The following MMS19 variants were observed in gnomAD, a reference collection of about 807,000 sequenced individuals.
MMS19 encodes MMS19 nucleotide excision repair protein homolog.
MMS19 carries 77 observed loss-of-function variants against 129.8 expected under a neutral mutation model. The observed-to-expected ratio is 0.59, with a 90% CI of 0.49 to 0.72. The LOEUF is 0.72. MMS19 is among the 30% of genes least tolerant of loss of function. The probability of loss-of-function intolerance (pLI) is 0.00; values close to 1 mark genes in which losing one functional copy is unlikely to be tolerated. For synonymous variants in MMS19, 491 were observed against 502.8 expected (o/e 0.98, Z 0.31); for missense variants, 1,168 against 1,266.3 (o/e 0.92, Z 1.18).
intron 8 of MMS19, among the ~76,000 whole-genome samples, chr10:97,471,655 C>A (rs1480972990): frequency 6.6e-6 from 1 of 151,974 alleles, no homozygotes; most frequent in Non-Finnish European, 1.5e-5. Context: ...GGGTTACAGG[C>A]GCACCAACAC....
chr10:97,476,982 G>C lies in MMS19; in HGVS notation c.494-19C>G. ...TTTAGCTCTGGGAAGGAGAGAATAA[G>C]GTTACTATACTGTCCCACAGCACAG... On this transcript the variant is annotated intron_variant, in intron 6 of 30. Transcript: ENST00000438925. 5 of 1,613,676 alleles carry C rather than the reference G, an allele frequency of 3.1e-6. No homozygotes were observed. The highest frequency in any genetic ancestry group is 4.2e-6 in the Non-Finnish European group (5 of 1,179,724).
chr10:97,478,402 G>A lies in MMS19; in HGVS notation c.263-13C>T. The A allele has an allele frequency of 6.3e-7, 1 of 1,594,042 alleles. No homozygotes were observed. Among genetic ancestry groups the A allele is most frequent in the Non-Finnish European group, 8.6e-7 (1 of 1,168,632 alleles). ...ATCAGGTGTACCACTGCACAAACCAGATTCAGCCATTAGTTGACATAGGCA... is the reference window on the plus strand; with the variant it reads ...ATCAGGTGTACCACTGCACAAACCAAATTCAGCCATTAGTTGACATAGGCA... On this transcript the variant is annotated splice_polypyrimidine_tract_variant and intron_variant, in intron 3 of 30. Coordinates refer to ENST00000438925, the MANE Select transcript of MMS19 (RefSeq NM_022362.5).
intron 2 of MMS19, 32 bp from the exon 3 acceptor site, chr10:97,481,074 A>G: frequency 7.9e-7 from 1 of 1,264,838 alleles, no homozygotes; most frequent in Non-Finnish European, 1.1e-6. Context: ...AGAACCTGCA[A>G]TTACCCAGTT....
At chr10:97,477,820 C>G (rs2036036670) in intron 5 of MMS19, 35 bp downstream of exon 5, 12 of 1,480,140 alleles carry the variant, frequency 8.1e-6, no homozygotes, top group Non-Finnish European at 1.0e-5. Context: ...GGGGTAGAGA[C>G]AGAGGAGAAT....
At position 97,467,830 on chromosome 10, in the gene MMS19, AT is replaced by A. The variant is rs1285490114; in HGVS notation, c.1219-248del. On this transcript the variant is annotated intron_variant, in intron 13 of 30. Transcript: ENST00000438925. ...AGATGCGTGCCACCTTATCCAGCTA[AT>A]TTTTTTTTTTTTTTTTTGTAGAGAT... 2.4e-3 allele frequency among the ~76,000 whole-genome samples: 326 copies of A among 137,356 alleles called. 2 individuals are homozygous for A. In the South Asian group the frequency reaches 0.027, roughly 11 times the overall value. 90.1% of individuals were successfully genotyped at this position (137,356 alleles called of 152,430 possible).
In MMS19 at chr10:97,466,795, T is replaced by G. The variant is rs140602190; in HGVS notation, c.1404A>C (p.Thr468=). 5.6e-5 allele frequency: 91 copies of G among 1,613,922 alleles called. No individual in the cohort carries two copies. In the African/African-American group the frequency reaches 1.1e-3, roughly 20 times the overall value. ...QLQLVGIRTL[T]VLGAQPDLLS... ...ATGTACCTGGCTGGGCACCCAAGAC[T>G]GTCAGTGTACGGATGCCAACAAGCT... Residue 468 remains threonine (T), a synonymous_variant, in exon 15 of 31, where the codon ACA becomes ACC. Coordinates refer to ENST00000438925, the MANE Select transcript of MMS19 (RefSeq NM_022362.5).
intron 1 of MMS19, among the ~76,000 whole-genome samples, chr10:97,487,236 C>T (rs1441256807): frequency 6.6e-6 from 1 of 151,638 alleles, no homozygotes; most frequent in Non-Finnish European, 1.5e-5. Flanking sequence ...GAATGATTGT[C>T]CTGGAACCAA....
At chr10:97,459,900 T>C in intron 26 of MMS19, 146 bp downstream of exon 26, 1 of 1,022,000 alleles carries the variant, frequency 9.8e-7, no homozygotes, top group Non-Finnish European at 1.4e-6. Context: ...AAGGAAGAAG[T>C]GGGACAAGAA....
intron 18 of MMS19, among the ~76,000 whole-genome samples, chr10:97,465,497 GT>G (rs1471808823): frequency 6.6e-6 from 1 of 152,188 alleles, no homozygotes; most frequent in Non-Finnish European, 1.5e-5. Flanking sequence ...TAGAGACTGG[GT>G]TTCTCCATGT....
rs2040180319 is a variant in MMS19, at chr10:97,498,276, C to A, written c.109G>T (p.Ala37Ser). Residue 37 changes from alanine to serine, a missense_variant, in exon 1 of 31, where the codon GCA (alanine) becomes TCA (serine). Ala to Ser is a moderately conservative substitution (Grantham distance 99). Coordinates refer to ENST00000438925, the MANE Select transcript of MMS19 (RefSeq NM_022362.5). The part of the protein sequence containing the change: ...QQEGPADQVA[A>S]DVKSGNYTVL... ...CGCGCGGCGCCGTCTGCCGTACCTGCAGCCACCTGGTCAGCGGGGCCCTCT... is the reference window on the plus strand; with the variant it reads ...CGCGCGGCGCCGTCTGCCGTACCTGAAGCCACCTGGTCAGCGGGGCCCTCT... The A allele has an allele frequency of 5.1e-6, 8 of 1,562,352 alleles. No homozygotes were observed. Among genetic ancestry groups the A allele is most frequent in the African/African-American group, 1.4e-5 (1 of 73,826 alleles).
chr10:97,472,014 A>G (rs983033103), intron 8 of MMS19, among the ~76,000 whole-genome samples: 2 of 152,216 alleles, frequency 1.3e-5, no homozygotes, highest in Non-Finnish European at 2.9e-5. Flanking sequence ...TTCAAGAAAA[A>G]TTTACAGGAC....
Position 97,470,953 on chromosome 10 carries a change from T to C in MMS19, c.685-92A>G, listed in dbSNP as rs1235356615. 15 of 893,708 alleles carry C rather than the reference T, an allele frequency of 1.7e-5. No homozygotes were observed. In the Admixed American group the frequency reaches 3.3e-4, roughly 20 times the overall value. 55.4% of individuals were successfully genotyped at this position (893,708 alleles called of 1,614,324 possible). A position where few individuals can be genotyped will look rare whatever the true frequency, so the allele number is the denominator to read the frequency against. Reference sequence around the variant, plus strand: ...CTGGTAACCCTGCAGAACAGGGTGATACTCATACCCAATCAGGGAAGATAG... The same window carrying C: ...CTGGTAACCCTGCAGAACAGGGTGACACTCATACCCAATCAGGGAAGATAG... On this transcript the variant is annotated intron_variant, in intron 8 of 30. Transcript: ENST00000438925.
At chr10:97,467,607 G>C (rs2033781052) in intron 13 of MMS19, 24 bp from the exon 14 acceptor site, 3 of 1,607,522 alleles carry the variant, frequency 1.9e-6, no homozygotes, top group African/African-American at 1.3e-5. Context: ...AGGGGTACTA[G>C]AGTCAAAGAA....
chr10:97,460,240 A>G lies in MMS19; in HGVS notation c.2470-8T>C, dbSNP rs760911913. On this transcript the variant is annotated splice_region_variant and splice_polypyrimidine_tract_variant and intron_variant, in intron 25 of 30. Transcript: ENST00000438925. ...ACTCAGGAGGCCCATGAGCTGGAGA[A>G]AAAAGAGCCTTTGAGGTACATCAGG... 1.5e-5 allele frequency: 24 copies of G among 1,607,960 alleles called. No individual in the cohort carries two copies. Among genetic ancestry groups the G allele is most frequent in the Non-Finnish European group, 2.0e-5 (24 of 1,176,494 alleles).
chr10:97,483,740 T>C (rs1453163962), intron 2 of MMS19, among the ~76,000 whole-genome samples: 1 of 152,188 alleles, frequency 6.6e-6, no homozygotes, highest in African/African-American at 2.4e-5. Flanking sequence ...TTGTTCTGAG[T>C]CAGGTCTAGG....
upstream of MMS19, chr10:97,498,478 CA>C (rs1322709146): frequency 1.9e-5 from 28 of 1,513,502 alleles, no homozygotes; most frequent in Non-Finnish European, 2.3e-5. Context: ...CGGGGAAGCG[CA>C]AGGGGGCGGG....
chr10:97,491,663 A>AG (rs2038915958), intron 1 of MMS19, among the ~76,000 whole-genome samples: 1 of 152,226 alleles, frequency 6.6e-6, no homozygotes. Context: ...AGAAAAAAAA[A>AG]GAAAAATGCT....
chr10:97,460,729 C>A lies in MMS19; in HGVS notation c.2435G>T (p.Arg812Ile). The stretch of plus-strand genomic sequence containing the variant: ...AAGGCAGGAGCTGAGAGGATGGTAT[C>A]TGAGCACTAGGGCCTTTGTTACCTG... Reference protein sequence around the residue: ...LLWVTKALVLRYHPLSSCLTA... With the variant: ...LLWVTKALVLIYHPLSSCLTA... Residue 812 changes from arginine to isoleucine, a missense_variant, in exon 25 of 31, where the codon AGA becomes ATA. Around this residue, in one of 3 missense-constraint regions of MMS19, gnomAD observed 831 missense variants for 910.8 expected, o/e 0.91. Transcript: ENST00000438925. 6.2e-7 allele frequency: 1 copy of A among 1,600,064 alleles called. No homozygotes were observed.
chr10:97,491,365 T>C (rs1320639586), intron 1 of MMS19, among the ~76,000 whole-genome samples: 2 of 152,216 alleles, frequency 1.3e-5, no homozygotes, highest in Non-Finnish European at 2.9e-5. Context: ...TTTTCATTTT[T>C]TTAAAAAAAT....
Sources: allele counts gnomAD v4.1 joint callset (sites outside exome capture counted in the v4.1 genomes callset), GRCh38; gene constraint gnomAD v4.1.1; regional missense constraint gnomAD v4.1.1; transcripts MANE v1.5; gene names NCBI Gene and HGNC (gene_info 2026-07-23, HGNC 2026-07-21).